BLTP1: variants seen among roughly 807,000 people sequenced by gnomAD.
BLTP1 encodes fragile site-associated protein.
At chr4:122,207,742 A>G in the BLTP1 span, 24 of 1,091,000 alleles carry the variant, frequency 2.2e-5, no homozygotes, top group Non-Finnish European at 3.0e-5. Context: ...GCAACTTCAA[A>G]GTATTTTTAG....
the BLTP1 span, chr4:122,355,975 G>A: frequency 3.7e-6 from 6 of 1,608,410 alleles, no homozygotes; most frequent in Non-Finnish European, 5.1e-6. Flanking sequence ...AGAACCACAG[G>A]AGCCTTCATT....
At chr4:122,280,083 T>A in the BLTP1 span, 2 of 1,575,330 alleles carry the variant, frequency 1.3e-6, no homozygotes, top group Non-Finnish European at 1.7e-6. Flanking sequence ...GGGTTACTTC[T>A]AAGTATCGAC....
the BLTP1 span, among the ~76,000 whole-genome samples, chr4:122,318,842 C>T: frequency 2.0e-5 from 3 of 152,244 alleles, no homozygotes; most frequent in Admixed American, 6.5e-5. Context: ...TAAGAGTTAT[C>T]GATTCACAAG....
At chr4:122,259,005 A>T in the BLTP1 span, among the ~76,000 whole-genome samples, 20 of 152,168 alleles carry the variant, frequency 1.3e-4, no homozygotes, top group African/African-American at 4.8e-4. Flanking sequence ...TTTCTTTGAA[A>T]ATTGTATCAT....
the BLTP1 span, among the ~76,000 whole-genome samples, chr4:122,206,880 T>C: frequency 4.0e-5 from 6 of 151,674 alleles, no homozygotes; most frequent in Non-Finnish European, 5.9e-5. Flanking sequence ...AAAATAGATA[T>C]ATTAATATAT....
the BLTP1 span, among the ~76,000 whole-genome samples, chr4:122,231,179 G>A: frequency 6.7e-6 from 1 of 150,294 alleles, no homozygotes; most frequent in East Asian, 1.9e-4. Context: ...TTTCCTGGAA[G>A]GGAGTATGAA....
At chr4:122,217,008 C>A in the BLTP1 span, among the ~76,000 whole-genome samples, 1 of 151,980 alleles carries the variant, frequency 6.6e-6, no homozygotes, top group Non-Finnish European at 1.5e-5. Flanking sequence ...GCACAATTTG[C>A]TGAATAGGTT....
the BLTP1 span, chr4:122,239,986 A>G: frequency 6.2e-7 from 1 of 1,614,170 alleles, no homozygotes; most frequent in Non-Finnish European, 8.5e-7. Flanking sequence ...TCCATATATC[A>G]CAGTGTAGAA....
the BLTP1 span, chr4:122,230,326 A>G: frequency 1.2e-6 from 1 of 851,248 alleles, no homozygotes. Flanking sequence ...ATAAAGACCT[A>G]ACATGATTGT....
chr4:122,256,422 T>C, the BLTP1 span, among the ~76,000 whole-genome samples: 31 of 152,284 alleles, frequency 2.0e-4, no homozygotes, highest in Middle Eastern at 3.4e-3. Context: ...GTGTTTTCCA[T>C]GTAAGAGGAA....
At chr4:122,174,083 C>A in the BLTP1 span, 2 of 457,298 alleles carry the variant, frequency 4.4e-6, no homozygotes, top group Non-Finnish European at 5.8e-6. Flanking sequence ...GCTTTGAAAG[C>A]CCTAAACCAG....
the BLTP1 span, among the ~76,000 whole-genome samples, chr4:122,329,231 T>C: frequency 6.6e-6 from 1 of 151,726 alleles, no homozygotes; most frequent in Non-Finnish European, 1.5e-5. Flanking sequence ...TATTATTGAG[T>C]TGGGAACAGA....
chr4:122,353,851 A>G, the BLTP1 span: 2 of 1,613,516 alleles, frequency 1.2e-6, no homozygotes, highest in Non-Finnish European at 1.7e-6. This position sits in a 1 kb window ranked among gnomAD's most constrained non-coding sequence, Gnocchi z 4.3. Context: ...TACAAACACT[A>G]GATTTTCACC....
the BLTP1 span, among the ~76,000 whole-genome samples, chr4:122,216,738 CT>C: frequency 6.6e-6 from 1 of 152,050 alleles, no homozygotes; most frequent in Non-Finnish European, 1.5e-5. Flanking sequence ...CTGATTATTT[CT>C]TTTGCTGTGC....
At chr4:122,337,458 A>G in the BLTP1 span, among the ~76,000 whole-genome samples, 1 of 152,206 alleles carries the variant, frequency 6.6e-6, no homozygotes, top group South Asian at 2.1e-4. Context: ...GAATGGTTGT[A>G]TGGGTCCTCA....
chr4:122,324,632 T>A, the BLTP1 span: 7 of 939,328 alleles, frequency 7.5e-6, no homozygotes, highest in South Asian at 1.3e-4. Flanking sequence ...AAAATTAAGA[T>A]AACAAAAATT....
chr4:122,196,878 C>G, the BLTP1 span: 1 of 627,480 alleles, frequency 1.6e-6, no homozygotes, highest in Non-Finnish European at 2.5e-6. Flanking sequence ...TAGTCCCATA[C>G]TTGGATTAAT....
chr4:122,229,406 AT>A, the BLTP1 span, among the ~76,000 whole-genome samples: 7 of 152,072 alleles, frequency 4.6e-5, no homozygotes, highest in African/African-American at 1.7e-4. Flanking sequence ...TTCCAGTATT[AT>A]TTTTTTCAAG....
At chr4:122,169,142 A>G in the BLTP1 span, among the ~76,000 whole-genome samples, 2 of 151,906 alleles carry the variant, frequency 1.3e-5, no homozygotes, top group South Asian at 4.2e-4. Flanking sequence ...TTTGGCAGAG[A>G]TGGGGTCTCA....
Sources: gnomAD v4.1 joint callset for allele counts (sites outside exome capture counted in the v4.1 genomes callset) on GRCh38, gnomAD v4.1.1 for gene constraint, Gnocchi (gnomAD v3.1) non-coding constraint, MANE v1.5 for transcripts, NCBI Gene and HGNC (gene_info 2026-07-23, HGNC 2026-07-21) for gene names.